Variants in C4orf51 observed in about 807,000 individuals in gnomAD.
C4orf51 encodes the protein uncharacterized protein C4orf51.
In C4orf51, 25 loss-of-function variants were observed where a neutral mutation model predicts 25.2. That is an observed-to-expected ratio of 0.99 (90% CI 0.72 to 1.39). The LOEUF is 1.39. Among genes scored for constraint, C4orf51 ranks in the 40% most tolerant of loss-of-function variants. The pLI, the probability that C4orf51 is intolerant of heterozygous loss-of-function variation, is 0.00. For missense variants in C4orf51, 252 were observed against 239.6 expected, an observed-to-expected ratio of 1.05 and a Z score of -0.34; for synonymous variants, 100 against 84.5, an observed-to-expected ratio of 1.18 and a Z score of -1.01.
intron 1 of C4orf51, among the ~76,000 whole-genome samples, chr4:145,683,062 A>C (rs186681433): frequency 6.6e-6 from 1 of 152,292 alleles, no homozygotes; most frequent in East Asian, 1.9e-4. Flanking sequence ...AGATTGCAGA[A>C]TACAAGGTTA....
At chr4:145,779,455 C>T in the C4orf51 span, 2 of 1,614,224 alleles carry the variant, frequency 1.2e-6, no homozygotes, top group South Asian at 2.2e-5. Context: ...AAAAGCTGGT[C>T]ATTGAATTTC....
At chr4:145,685,165 C>A (rs1379596643) in intron 1 of C4orf51, among the ~76,000 whole-genome samples, 1 of 152,078 alleles carries the variant, frequency 6.6e-6, no homozygotes, top group Admixed American at 6.5e-5. Flanking sequence ...ACCATTGTGT[C>A]AAGTTCTACA....
At chr4:145,683,868 G>T (rs1193099949) in intron 1 of C4orf51, among the ~76,000 whole-genome samples, 1 of 152,016 alleles carries the variant, frequency 6.6e-6, no homozygotes, top group Non-Finnish European at 1.5e-5. Context: ...CAACACCAAA[G>T]GTATGATCCA....
intron 1 of C4orf51, among the ~76,000 whole-genome samples, chr4:145,681,487 A>G (rs1193094104): frequency 6.6e-6 from 1 of 152,240 alleles, no homozygotes; most frequent in Non-Finnish European, 1.5e-5. Context: ...TTGACACTTA[A>G]TTAGCTTTGG....
rs527907784 is a variant in C4orf51, at chr4:145,726,927, A to C, written c.324A>C (p.Ile108=). ...TTDIKGLFPD[I]TRPFKKSFDV... The stretch of plus-strand genomic sequence containing the variant: ...TGCATGCAGGACTATTCCCTGATAT[A>C]ACCAGGCCCTTTAAAAAGTCATTTG... Residue 108 remains isoleucine, a synonymous_variant, in exon 3 of 6, where the codon ATA becomes ATC. Transcript: ENST00000438731. 45 of 1,613,512 alleles carry C rather than the reference A, an allele frequency of 2.8e-5. 1 individual carries two copies. The South Asian group carries it at 4.4e-4, about 16-fold the overall frequency.
rs150310904 is a variant in C4orf51, at chr4:145,708,283, C to T, written c.307+11651C>T. ...TGCACAGTGGCACTAGGTTCCAAGG[C>T]TGACTTTTGTAATTTCCTCCCCTTT... is the stretch of plus-strand genomic sequence containing the variant. On this transcript the variant is annotated intron_variant, in intron 2 of 5. Coordinates refer to ENST00000438731, the MANE Select transcript of C4orf51 (RefSeq NM_001080531.3). 4.5e-4 allele frequency among the ~76,000 whole-genome samples: 69 copies of T among 152,336 alleles called. No individual in the cohort carries two copies. In the East Asian group the frequency reaches 0.013, roughly 28 times the overall value.
intron 2 of C4orf51, among the ~76,000 whole-genome samples, chr4:145,709,063 A>G (rs556847380): frequency 1.3e-5 from 2 of 152,332 alleles, no homozygotes; most frequent in East Asian, 3.9e-4. Context: ...GGAAGCCTTC[A>G]TATGCTCACA....
At chr4:145,735,203 A>T (rs575047523), downstream of C4orf51, among the ~76,000 whole-genome samples, 10 of 152,268 alleles carry the variant, frequency 6.6e-5, no homozygotes, top group South Asian at 2.1e-3. Context: ...AGCCTGGAGG[A>T]GGTGTTTGCT....
chr4:145,762,590 C>T lies in C4orf51; in HGVS notation n.167-8398C>T, dbSNP rs1344876166. ...ATTCTGGAAGGGCGGATGCTGGTCC[C>T]AGCTCCATCACCTTGTCAGGCTGGA... On this transcript the variant is annotated intron_variant and non_coding_transcript_variant, in intron 1 of 1. Coordinates refer to the C4orf51 transcript ENST00000510096. The surrounding 1 kb of genome is among the most constrained non-coding windows in gnomAD (Gnocchi z 4.9). Among the ~76,000 whole-genome samples, 1 of 152,098 alleles carries T rather than the reference C, an allele frequency of 6.6e-6. No individual in the cohort carries two copies. Among genetic ancestry groups the T allele is most frequent in the Non-Finnish European group, 1.5e-5 (1 of 68,028 alleles).
At chr4:145,699,474 C>G (rs1248343179) in intron 2 of C4orf51, among the ~76,000 whole-genome samples, 2 of 152,100 alleles carry the variant, frequency 1.3e-5, no homozygotes, top group Non-Finnish European at 2.9e-5. Context: ...CCGTCAACCT[C>G]TTTCTCCTTT....
chr4:145,744,165 G>T (rs1418186063), intron 1 of C4orf51, among the ~76,000 whole-genome samples: 1 of 152,062 alleles, frequency 6.6e-6, no homozygotes. Context: ...AAGAGAGGGA[G>T]ACATTGATCA....
chr4:145,711,587 C>T (rs1398508271), intron 2 of C4orf51, among the ~76,000 whole-genome samples: 1 of 151,748 alleles, frequency 6.6e-6, no homozygotes, highest in Non-Finnish European at 1.5e-5. Flanking sequence ...ATCCCATAGC[C>T]TTTCCTCATT....
chr4:145,701,858 T>C (rs1440671208), intron 2 of C4orf51, among the ~76,000 whole-genome samples: 2 of 152,076 alleles, frequency 1.3e-5, no homozygotes, highest in Non-Finnish European at 2.9e-5. Flanking sequence ...TAGGCCGAGA[T>C]ATTTTAACCA....
intron 1 of C4orf51, chr4:145,764,871 A>G (rs551096829): frequency 1.2e-4 from 166 of 1,443,204 alleles, no homozygotes; most frequent in Non-Finnish European, 1.3e-4. Flanking sequence ...AACTCCTCTC[A>G]TACCAAGCTC....
chr4:145,742,041 G>T (rs1261621696), intron 1 of C4orf51, among the ~76,000 whole-genome samples: 1 of 152,108 alleles, frequency 6.6e-6, no homozygotes, highest in Non-Finnish European at 1.5e-5. Flanking sequence ...TCAATACAAG[G>T]GTAGACTTTT....
At chr4:145,722,046 A>G (rs1261943666) in intron 2 of C4orf51, among the ~76,000 whole-genome samples, 2 of 152,216 alleles carry the variant, frequency 1.3e-5, no homozygotes. Flanking sequence ...CTTCTTTATA[A>G]TTACCAAGTT....
At chr4:145,749,305 C>A (rs1236081382) in intron 1 of C4orf51, among the ~76,000 whole-genome samples, 3 of 151,916 alleles carry the variant, frequency 2.0e-5, no homozygotes, top group Admixed American at 1.3e-4. Context: ...GTATTTCTTG[C>A]AGGCAACAGA....
At chr4:145,687,302 C>T (rs529003150) in intron 1 of C4orf51, among the ~76,000 whole-genome samples, 10 of 152,192 alleles carry the variant, frequency 6.6e-5, no homozygotes, top group South Asian at 2.1e-4. Flanking sequence ...CTTTCCAGAC[C>T]GAACCAATGT....
chr4:145,760,326 G>A (rs951918193), intron 1 of C4orf51: 1 of 152,300 alleles, frequency 6.6e-6, no homozygotes, highest in African/African-American at 2.4e-5. Context: ...CACGACACAC[G>A]GCTTTCTCTT....
Sources: allele counts gnomAD v4.1 joint callset (sites outside exome capture counted in the v4.1 genomes callset), GRCh38; gene constraint gnomAD v4.1.1; non-coding constraint Gnocchi (gnomAD v3.1); transcripts MANE v1.5; gene names NCBI Gene and HGNC (gene_info 2026-07-23, HGNC 2026-07-21).